Variants in GLG1 observed in about 807,000 individuals in gnomAD.
GLG1 encodes the protein golgi glycoprotein 1, also known as Golgi apparatus protein 1.
A neutral mutation model predicts 160.5 loss-of-function variants in GLG1; 38 were observed. That is an observed-to-expected ratio of 0.24 (90% CI 0.18 to 0.31). GLG1 has a LOEUF of 0.31. Among genes scored for constraint, GLG1 ranks in the 10% least tolerant of loss-of-function variants. The probability of loss-of-function intolerance (pLI) is 1.00; values close to 1 mark genes in which losing one functional copy is unlikely to be tolerated. For missense variants in GLG1, 1,373 were observed against 1,505.2 expected, an observed-to-expected ratio of 0.91 and a Z score of 1.45; for synonymous variants, 644 against 543.4, an observed-to-expected ratio of 1.19 and a Z score of -2.57.
At chr16:74,532,334 T>C (rs559956445) in intron 1 of GLG1, among the ~76,000 whole-genome samples, 181 bp from the exon 2 acceptor site, 6 of 152,030 alleles carry the variant, frequency 3.9e-5, no homozygotes, top group East Asian at 3.9e-4. Context: ...TTTTAGGCTG[T>C]TGGGGAGAAA....
At chr16:74,522,575 T>C (rs1201526600) in intron 2 of GLG1, among the ~76,000 whole-genome samples, 1 of 152,246 alleles carries the variant, frequency 6.6e-6, no homozygotes, top group Non-Finnish European at 1.5e-5. Context: ...CTTTTCTTTG[T>C]TGCTCTGTGT....
chr16:74,476,265 C>T (rs980710623), intron 12 of GLG1, among the ~76,000 whole-genome samples: 8 of 152,132 alleles, frequency 5.3e-5, no homozygotes, highest in Non-Finnish European at 1.0e-4. Context: ...TTACTTTACT[C>T]GGGGTTCTAA....
chr16:74,590,621 C>CAA (rs11321370), intron 1 of GLG1, among the ~76,000 whole-genome samples: 11 of 76,256 alleles, frequency 1.4e-4, no homozygotes, highest in Non-Finnish European at 2.1e-4. Context: ...ACTCCGTCTC[C>CAA]AAAAAAAAAA....
intron 9 of GLG1, 33 bp downstream of exon 9, chr16:74,485,763 A>G (rs770375429): frequency 6.3e-7 from 1 of 1,593,120 alleles, no homozygotes; most frequent in Non-Finnish European, 8.6e-7. Context: ...ATGAAATACA[A>G]TATGGATAAA....
chr16:74,482,091 G>C (rs1001736811), intron 10 of GLG1, among the ~76,000 whole-genome samples: 2 of 151,998 alleles, frequency 1.3e-5, no homozygotes, highest in Admixed American at 1.3e-4. Flanking sequence ...CCCGGTTCAA[G>C]TGAATCTCCT....
chr16:74,500,329 T>A (rs1442596567), intron 4 of GLG1, among the ~76,000 whole-genome samples: 1 of 152,192 alleles, frequency 6.6e-6, no homozygotes, highest in Non-Finnish European at 1.5e-5. Context: ...GAACTTACAA[T>A]AATTTTTTGT....
chr16:74,512,767 G>C (rs1457452198), intron 2 of GLG1, among the ~76,000 whole-genome samples: 1 of 152,046 alleles, frequency 6.6e-6, no homozygotes. Context: ...GTTGGAAAGG[G>C]AATAAACAAT....
intron 1 of GLG1, among the ~76,000 whole-genome samples, chr16:74,577,430 G>A (rs1438787007): frequency 6.7e-6 from 1 of 149,982 alleles, no homozygotes; most frequent in Non-Finnish European, 1.5e-5. Context: ...GCTGAGACAG[G>A]AGAATCGCTT....
intron 10 of GLG1, among the ~76,000 whole-genome samples, chr16:74,481,667 G>A (rs2015602604): frequency 6.6e-6 from 1 of 152,164 alleles, no homozygotes; most frequent in Non-Finnish European, 1.5e-5. Context: ...TCTCTTTCTA[G>A]AAAAAGTATG....
chr16:74,496,478 A>G lies in GLG1; in HGVS notation c.941T>C (p.Phe314Ser). 1 of 1,614,036 alleles carries G rather than the reference A, an allele frequency of 6.2e-7. No homozygotes were observed. Among genetic ancestry groups the G allele is most frequent in the Non-Finnish European group, 8.5e-7 (1 of 1,179,890 alleles). The change falls in exon 5 of 26, where the codon TTT becomes TCT. Residue 314 changes from phenylalanine to serine, a missense_variant. Around this residue, in one of 4 missense-constraint regions of GLG1, gnomAD observed 174 missense variants for 229.9 expected, o/e 0.76. Coordinates refer to ENST00000422840, the MANE Select transcript of GLG1 (RefSeq NM_001145667.2). ...ACGCTCCCGATCATCTCGGCAAGCAAAATATAAATGCCGGTCTAAGTGAAA... is the reference window on the plus strand; with the variant it reads ...ACGCTCCCGATCATCTCGGCAAGCAGAATATAAATGCCGGTCTAAGTGAAA... ...DDFHLDRHLY[F>S]ACRDDRERFC...
chr16:74,551,265 G>C (rs1337181066), intron 1 of GLG1, among the ~76,000 whole-genome samples: 2 of 152,012 alleles, frequency 1.3e-5, no homozygotes, highest in Admixed American at 6.6e-5. Flanking sequence ...TTTATGAACT[G>C]CTTCATATAA....
intron 1 of GLG1, among the ~76,000 whole-genome samples, chr16:74,547,774 G>C: frequency 6.6e-6 from 1 of 152,216 alleles, no homozygotes; most frequent in East Asian, 1.9e-4. Context: ...TCACAACGTT[G>C]ACATCTGTGA....
chr16:74,571,404 G>A (rs1233125216), intron 1 of GLG1, among the ~76,000 whole-genome samples: 2 of 152,218 alleles, frequency 1.3e-5, no homozygotes, highest in Non-Finnish European at 2.9e-5. Flanking sequence ...ACCGGGTACA[G>A]AGGCTCACGC....
chr16:74,591,855 A>G (rs1958191688), intron 1 of GLG1, among the ~76,000 whole-genome samples: 2 of 152,136 alleles, frequency 1.3e-5, no homozygotes, highest in South Asian at 4.1e-4. Context: ...TTATACAGGG[A>G]AAAAAAGCAG....
chr16:74,521,409 G>C (rs1457729967), intron 2 of GLG1, among the ~76,000 whole-genome samples: 3 of 152,178 alleles, frequency 2.0e-5, no homozygotes, highest in African/African-American at 4.8e-5. Flanking sequence ...GTCCCGGAGA[G>C]ACATGATGAT....
intron 8 of GLG1, among the ~76,000 whole-genome samples, chr16:74,486,152 G>C (rs1308528841): frequency 6.6e-6 from 1 of 152,158 alleles, no homozygotes; most frequent in African/African-American, 2.4e-5. Context: ...GCTTATCTTT[G>C]TTCTCAGTAA....
At chr16:74,519,228 C>G (rs566536633) in intron 2 of GLG1, among the ~76,000 whole-genome samples, 1 of 151,692 alleles carries the variant, frequency 6.6e-6, no homozygotes, top group South Asian at 2.1e-4. Context: ...AGCAAACTAT[C>G]ACAAGATCAG....
At chr16:74,474,419 T>A (rs2015326140) in intron 13 of GLG1, 127 bp downstream of exon 13, 1 of 662,682 alleles carries the variant, frequency 1.5e-6, no homozygotes, top group Non-Finnish European at 2.7e-6. Flanking sequence ...ATGGAAAATT[T>A]GATCAGGTTT....
chr16:74,506,607 C>CAAAAAAAAAAAAAAAAAAA (rs1567489940), intron 3 of GLG1, among the ~76,000 whole-genome samples: 1 of 126,730 alleles, frequency 7.9e-6, no homozygotes, highest in Non-Finnish European at 1.6e-5. Context: ...AAAAAAAACT[C>CAAAAAAAAAAAAAAAAAAA]AAGAGAAACC....
Sources: allele counts gnomAD v4.1 joint callset (sites outside exome capture counted in the v4.1 genomes callset), GRCh38; gene constraint gnomAD v4.1.1; regional missense constraint gnomAD v4.1.1; transcripts MANE v1.5; gene names NCBI Gene and HGNC (gene_info 2026-07-23, HGNC 2026-07-21).